SPOCD1: variants seen among roughly 807,000 people sequenced by gnomAD.
SPOCD1 encodes the protein SPOC domain containing 1.
SPOCD1 carries 64 observed loss-of-function variants against 92.2 expected under a neutral mutation model. The observed-to-expected ratio is 0.69, with a 90% CI of 0.57 to 0.86. The LOEUF (loss-of-function observed/expected upper bound fraction) is 0.86, where lower values mean the gene tolerates loss of function less well. Among genes scored for constraint, SPOCD1 ranks in the 40% least tolerant of loss-of-function variants. The pLI, the probability that SPOCD1 is intolerant of heterozygous loss-of-function variation, is 0.00. For missense variants in SPOCD1, 1,360 were observed against 1,543.1 expected (o/e 0.88, Z 1.99); for synonymous variants, 578 against 619.3 (o/e 0.93, Z 0.99).
Position 31,814,085 on chromosome 1 carries a change from T to C in SPOCD1, c.1249A>G (p.Arg417Gly), listed in dbSNP as rs760167986. Residue 417 changes from arginine (R) to glycine (G), a missense_variant, in exon 2 of 16, where the codon AGA (arginine) becomes GGA (glycine). Transcript: ENST00000360482. This position sits in a 1 kb window ranked among gnomAD's most constrained non-coding sequence, Gnocchi z 4.2. ...AGGTTCTTAGTGCCCTTGGATCTTC[T>C]CTGCTCCATGAATGGGCCTGAGCAG... The part of the protein sequence containing the change: ...RACSGPFMEQ[R>G]RSKGTKNLKK... 3 of 1,613,602 alleles carry C rather than the reference T, an allele frequency of 1.9e-6. No individual in the cohort carries two copies. The African/African-American group carries it at 4.0e-5, about 22-fold the overall frequency.
intron 6 of SPOCD1, 35 bp from the exon 7 acceptor site, chr1:31,799,520 G>A (rs1648286423): frequency 1.3e-6 from 2 of 1,573,320 alleles, no homozygotes; most frequent in Non-Finnish European, 8.7e-7. Context: ...TCCCAGGGGT[G>A]CCCAGGGGAA....
chr1:31,803,402 A>C (rs1173014323), intron 2 of SPOCD1, among the ~76,000 whole-genome samples: 1 of 151,038 alleles, frequency 6.6e-6, no homozygotes, highest in Admixed American at 6.6e-5. Flanking sequence ...AGCTAACTGG[A>C]CAACACATTT....
chr1:31,795,093 C>A (rs887012502), intron 10 of SPOCD1: 1 of 152,158 alleles, frequency 6.6e-6, no homozygotes, highest in African/African-American at 2.4e-5. Context: ...TAAATTATGT[C>A]CTTAGGACAA....
chr1:31,814,594 G>A lies in SPOCD1; in HGVS notation c.740C>T (p.Ala247Val), dbSNP rs1420378880. The A allele has an allele frequency of 9.8e-6, 15 of 1,528,952 alleles. No individual in the cohort carries two copies. The highest frequency in any genetic ancestry group is 1.3e-5 in the Non-Finnish European group (15 of 1,138,344). The allele number at this position is 1,528,952 out of a possible 1,614,324, so 94.7% of individuals were successfully genotyped here. ...AGGGCCTCCCAAGGACTCCAGGTCAGCAACTTGGGGAGGGTCTCCCACAGA... is the reference window on the plus strand; with the variant it reads ...AGGGCCTCCCAAGGACTCCAGGTCAACAACTTGGGGAGGGTCTCCCACAGA... ...LLSVGDPPQV[A>V]DLESLGGPCR... is the part of the protein sequence containing the mutation. Residue 247 changes from alanine (A) to valine (V), a missense_variant, in exon 2 of 16, where the codon GCT (alanine) becomes GTT (valine). Physicochemically the swap from Ala to Val is moderately conservative, Grantham distance 64. Around this residue, in one of 3 missense-constraint regions of SPOCD1, gnomAD observed 606 missense variants for 601.5 expected, o/e 1.01. Transcript: ENST00000360482. The surrounding 1 kb of genome is among the most constrained non-coding windows in gnomAD (Gnocchi z 4.2).
Position 31,814,389 on chromosome 1 carries a change from G to T in SPOCD1, c.945C>A (p.Leu315=). 1 of 1,608,548 alleles carries T rather than the reference G, an allele frequency of 6.2e-7. No individual in the cohort carries two copies. The change falls in exon 2 of 16, where the codon CTC becomes CTA. Residue 315 remains leucine (L), a synonymous_variant. Transcript: ENST00000360482. This position sits in a 1 kb window ranked among gnomAD's most constrained non-coding sequence, Gnocchi z 4.2. The part of the protein sequence containing the change: ...GFPVPSGGES[L]SSAAQAPPQS... ...GTGGAGGAGCCTGTGCAGCTGAACT[G>T]AGGGACTCCCCTCCACTGGGCACTG...
intron 10 of SPOCD1, 97 bp from the exon 11 acceptor site, chr1:31,794,332 T>A: frequency 1.4e-6 from 1 of 694,102 alleles, no homozygotes; most frequent in South Asian, 2.1e-5. Context: ...TTTATTTTTC[T>A]CAATAATAAA....
chr1:31,790,638 C>T lies in SPOCD1; in HGVS notation c.3616G>A (p.Ala1206Thr). 1.3e-6 allele frequency: 2 copies of T among 1,551,912 alleles called. No individual in the cohort carries two copies. The highest frequency in any genetic ancestry group is 1.7e-6 in the Non-Finnish European group (2 of 1,147,092). ...RDSSLGPTDE[A>T]GSECPFPRKA ...CTAGGGAAGGGACACTCAGAGCCAG[C>T]TTCATCTGTAGGCCCCAAAGAGGAG... The change falls in exon 16 of 16, where the codon GCT becomes ACT. Residue 1206 changes from alanine to threonine, a missense_variant. Around this residue, in one of 3 missense-constraint regions of SPOCD1, gnomAD observed 614 missense variants for 757.8 expected, o/e 0.81. Transcript: ENST00000360482.
In SPOCD1 at chr1:31,815,172, G is replaced by A. The variant is rs1649481164; in HGVS notation, c.162C>T (p.Gly54=). ...CCTTCCTGGGGATCTTCCTTCTGCT[G>A]CCAGCCCTGACTCCGGGCCCAGAGC... is the stretch of plus-strand genomic sequence containing the variant. ...GASSGPGVRA[G]SRRKIPRKEA... The change falls in exon 2 of 16, where the codon GGC becomes GGT. Residue 54 remains glycine (G), a synonymous_variant. Coordinates refer to ENST00000360482, the MANE Select transcript of SPOCD1 (RefSeq NM_144569.7). 2 of 1,607,234 alleles carry A rather than the reference G, an allele frequency of 1.2e-6. No homozygotes were observed. Among genetic ancestry groups the A allele is most frequent in the African/African-American group, 2.7e-5 (2 of 74,930 alleles).
rs1409021022 is a variant in SPOCD1 at position 31,798,471 on chromosome 1, G to A, written c.1999C>T (p.Leu667=). 1 of 1,613,102 alleles carries A rather than the reference G, an allele frequency of 6.2e-7. No individual in the cohort carries two copies. Among genetic ancestry groups the A allele is most frequent in the Non-Finnish European group, 8.5e-7 (1 of 1,179,460 alleles). ...GRYKTKYRSL[L]FNLRDPRNLD... ...TTCCTGGGGTCCCGCAGGTTGAACA[G>A]CAGGCTGCGATACTTGGTCTTGTAC... is the stretch of plus-strand genomic sequence containing the variant. The change falls in exon 8 of 16, where the codon CTG becomes TTG. Residue 667 remains leucine (L), a synonymous_variant. Coordinates refer to ENST00000360482, the MANE Select transcript of SPOCD1 (RefSeq NM_144569.7). This position sits in a 1 kb window ranked among gnomAD's most constrained non-coding sequence, Gnocchi z 4.1.
intron 2 of SPOCD1, among the ~76,000 whole-genome samples, chr1:31,813,632 C>A (rs756720362): frequency 4.6e-5 from 7 of 152,108 alleles, no homozygotes; most frequent in Admixed American, 1.3e-4. Context: ...CAATTAGTAT[C>A]CTTTTTTTAC....
chr1:31,811,277 C>G (rs1179764294), intron 2 of SPOCD1, among the ~76,000 whole-genome samples: 2 of 152,100 alleles, frequency 1.3e-5, no homozygotes, highest in African/African-American at 4.8e-5. Context: ...TTGAGACCAG[C>G]TTGGCCAACA....
In SPOCD1 at chr1:31,793,811, T is replaced by A; in HGVS notation, c.2470A>T (p.Thr824Ser). The A allele has an allele frequency of 6.2e-7, 1 of 1,614,108 alleles. No individual in the cohort carries two copies. The highest frequency in any genetic ancestry group is 8.5e-7 in the Non-Finnish European group (1 of 1,179,998). Residue 824 changes from threonine (T) to serine (S), a missense_variant, in exon 12 of 16, where the codon ACT (threonine) becomes TCT (serine). Thr to Ser is a moderately conservative substitution (Grantham distance 58). Transcript: ENST00000360482. Reference protein sequence around the residue: ...DNIFQKALSQTPMPAPEMPKT... With the variant: ...DNIFQKALSQSPMPAPEMPKT... ...GGCATCTCTGGAGCAGGCATAGGAGTTTGGCTTAGGGCTTTCTGGAAGATA... is the reference window on the plus strand; with the variant it reads ...GGCATCTCTGGAGCAGGCATAGGAGATTGGCTTAGGGCTTTCTGGAAGATA...
intron 2 of SPOCD1, among the ~76,000 whole-genome samples, chr1:31,803,939 G>A (rs1030705013): frequency 3.3e-5 from 5 of 151,852 alleles, no homozygotes; most frequent in Admixed American, 6.6e-5. Context: ...AAGGAGAGAG[G>A]AAAGAGAATG....
Position 31,803,683 on chromosome 1 carries a change from G to A in SPOCD1, c.1384-1978C>T, listed in dbSNP as rs1039073790. On this transcript the variant is annotated intron_variant, in intron 2 of 15. Transcript: ENST00000360482. ...TTGAGCCGGAGAAGTCAAGGCTGCA[G>A]TGAGCTATGATCACACCACTGTACT... Among the ~76,000 whole-genome samples the A allele has an allele frequency of 2.0e-5, 3 of 151,934 alleles. No individual in the cohort carries two copies. In the South Asian group the frequency reaches 6.2e-4, roughly 32 times the overall value.
intron 5 of SPOCD1, 70 bp downstream of exon 5, chr1:31,799,946 C>T: frequency 6.2e-7 from 1 of 1,612,690 alleles, no homozygotes; most frequent in Admixed American, 1.7e-5. Context: ...CTAGTCACCT[C>T]CCCACTCCCA....
At chr1:31,792,452 G>A in intron 14 of SPOCD1, 51 bp from the exon 15 acceptor site, 1 of 1,576,650 alleles carries the variant, frequency 6.3e-7, no homozygotes, top group Non-Finnish European at 8.6e-7. Flanking sequence ...CTCTGCTCCT[G>A]CCAACACCCC....
rs1331092636 is a variant in SPOCD1 at position 31,814,453 on chromosome 1, C to G, written c.881G>C (p.Gly294Ala). ...KFGYLPATGD[G>A]PQPGSPCGPV... ...GCCACAGGGGCTGCCTGGCTGGGGC[C>G]CATCCCCTGTAGCGGGCAAATATCC... Residue 294 changes from glycine to alanine, a missense_variant, in exon 2 of 16, where the codon GGG (glycine) becomes GCG (alanine). Physicochemically the swap from Gly to Ala is moderately conservative, Grantham distance 60. Transcript: ENST00000360482. This position sits in a 1 kb window ranked among gnomAD's most constrained non-coding sequence, Gnocchi z 4.2. The G allele has an allele frequency of 1.3e-6, 2 of 1,597,836 alleles. No homozygotes were observed. Among genetic ancestry groups the G allele is most frequent in the East Asian group, 4.5e-5 (2 of 44,598 alleles).
chr1:31,812,717 G>C (rs1649283342), intron 2 of SPOCD1, among the ~76,000 whole-genome samples: 1 of 152,172 alleles, frequency 6.6e-6, no homozygotes, highest in African/African-American at 2.4e-5. Context: ...CCAATATCCA[G>C]CACATGTTAA....
At chr1:31,803,873 GAAGGAAGGAAGA>G (rs1648640475) in intron 2 of SPOCD1, among the ~76,000 whole-genome samples, 1 of 149,778 alleles carries the variant, frequency 6.7e-6, no homozygotes, top group South Asian at 2.1e-4. Flanking sequence ...AAGAAAGAAG[GAAGGAAGGAAGA>G]AAGGAAGGAA....
Sources: gnomAD v4.1 joint callset for allele counts (sites outside exome capture counted in the v4.1 genomes callset) on GRCh38, gnomAD v4.1.1 for gene constraint, gnomAD v4.1.1 regional missense constraint, Gnocchi (gnomAD v3.1) non-coding constraint, MANE v1.5 for transcripts, NCBI Gene and HGNC (gene_info 2026-07-23, HGNC 2026-07-21) for gene names.